KLHL29: variants seen among roughly 807,000 people sequenced by gnomAD.
The protein encoded by KLHL29 is kelch like family member 29, also known as kelch-like protein 29.
A neutral mutation model predicts 80.4 loss-of-function variants in KLHL29; 21 were observed. The observed-to-expected ratio is 0.26, with a 90% CI of 0.19 to 0.38. The LOEUF is 0.38. KLHL29 is among the 10% of genes least tolerant of loss of function. The pLI, the probability that KLHL29 is intolerant of heterozygous loss-of-function variation, is 1.00. For missense variants in KLHL29, 867 were observed against 1,223.9 expected (o/e 0.71, Z 4.35); for synonymous variants, 511 against 526.8 (o/e 0.97, Z 0.41).
intron 5 of KLHL29, among the ~76,000 whole-genome samples, chr2:23,678,755 A>G (rs1670990264): frequency 6.6e-6 from 1 of 152,254 alleles, no homozygotes; most frequent in African/African-American, 2.4e-5. Flanking sequence ...ATCCTGATGC[A>G]TGCTACCATG....
intron 12 of KLHL29, 114 bp from the exon 13 acceptor site, chr2:23,703,605 G>A: frequency 2.3e-6 from 3 of 1,308,156 alleles, no homozygotes; most frequent in Non-Finnish European, 3.1e-6. Flanking sequence ...AGGCCAATCA[G>A]TCACTTGTTG....
At chr2:23,462,548 G>A (rs539175292) in intron 1 of KLHL29, among the ~76,000 whole-genome samples, 6 of 152,260 alleles carry the variant, frequency 3.9e-5, no homozygotes, top group South Asian at 2.1e-4. Flanking sequence ...CTGGGCTTCC[G>A]TTTTCTCATC....
intron 5 of KLHL29, among the ~76,000 whole-genome samples, chr2:23,659,855 T>C (rs909507420): frequency 5.3e-5 from 8 of 151,702 alleles, no homozygotes; most frequent in Non-Finnish European, 1.0e-4. Context: ...GCGTGCTGCC[T>C]CCTCATCTTC....
chr2:23,632,895 G>A (rs946907103), intron 3 of KLHL29, among the ~76,000 whole-genome samples: 3 of 152,236 alleles, frequency 2.0e-5, no homozygotes, highest in African/African-American at 7.2e-5. Context: ...ACCTAAGTGG[G>A]TTTGAGCCAC....
intron 2 of KLHL29, among the ~76,000 whole-genome samples, chr2:23,549,065 G>A (rs1267675676): frequency 1.3e-5 from 2 of 152,216 alleles, no homozygotes; most frequent in African/African-American, 4.8e-5. Context: ...TTAGGGAACA[G>A]CCTCTGAGCA....
chr2:23,402,242 C>T (rs770039156), intron 1 of KLHL29, among the ~76,000 whole-genome samples: 2 of 152,184 alleles, frequency 1.3e-5, no homozygotes, highest in Non-Finnish European at 2.9e-5. Flanking sequence ...AATGCAAACC[C>T]TGTGGATTTT....
intron 2 of KLHL29, among the ~76,000 whole-genome samples, chr2:23,551,812 CAGT>C (rs765842556): frequency 1.2e-4 from 18 of 152,318 alleles, no homozygotes; most frequent in Non-Finnish European, 2.1e-4. Flanking sequence ...GATTCTGACT[CAGT>C]AGTCCCAGGG....
At chr2:23,572,202 T>G (rs1052686459) in intron 3 of KLHL29, among the ~76,000 whole-genome samples, 3 of 152,284 alleles carry the variant, frequency 2.0e-5, no homozygotes, top group Admixed American at 1.3e-4. Context: ...CACCACCCAC[T>G]TTAGCCACGC....
At position 23,467,247 on chromosome 2, in the gene KLHL29, A is replaced by G. The variant is rs533286459; in HGVS notation, c.-153-8313A>G. Among the ~76,000 whole-genome samples the G allele has an allele frequency of 5.3e-5, 8 of 152,332 alleles. No individual in the cohort carries two copies. The South Asian group carries it at 1.7e-3, about 32-fold the overall frequency. ...TAAGCCATCCCGCGTGTTTCTTCAG[A>G]TGGATCACAGAGCCACAGTGCGATC... On this transcript the variant is annotated intron_variant, in intron 1 of 13. Coordinates refer to ENST00000486442, the MANE Select transcript of KLHL29 (RefSeq NM_052920.2).
chr2:23,604,029 C>T (rs1668640736), intron 3 of KLHL29, among the ~76,000 whole-genome samples: 1 of 152,214 alleles, frequency 6.6e-6, no homozygotes, highest in African/African-American at 2.4e-5. Context: ...TGGGTCTGGT[C>T]TTCAGTGCTC....
intron 1 of KLHL29, among the ~76,000 whole-genome samples, chr2:23,448,519 G>T (rs1189904562): frequency 2.0e-5 from 3 of 152,184 alleles, no homozygotes; most frequent in African/African-American, 7.2e-5. Context: ...AATTAGAAGG[G>T]CCTAGAGGAG....
At position 23,644,867 on chromosome 2, in the gene KLHL29, A is replaced by G. The variant is rs77596527; in HGVS notation, c.940+2017A>G. On this transcript the variant is annotated intron_variant, in intron 5 of 13. Transcript: ENST00000486442. ...GGCCAGGGATGGGGTGGGCCTAGAA[A>G]GTGTCCTCAGCCCTGCCTTCTGGTG... Among the ~76,000 whole-genome samples the G allele has an allele frequency of 9.5e-3, 1,449 of 152,340 alleles. 14 individuals are homozygous for G. The highest frequency in any genetic ancestry group is 0.015 in the Non-Finnish European group (1,000 of 68,016).
intron 3 of KLHL29, among the ~76,000 whole-genome samples, chr2:23,604,474 C>T (rs1401054362): frequency 1.3e-5 from 2 of 152,152 alleles, no homozygotes; most frequent in African/African-American, 2.4e-5. Context: ...CCCACTGGGA[C>T]GCAAGTGTCA....
At chr2:23,512,156 G>C (rs1354104418) in intron 2 of KLHL29, among the ~76,000 whole-genome samples, 1 of 152,110 alleles carries the variant, frequency 6.6e-6, no homozygotes, top group African/African-American at 2.4e-5. Flanking sequence ...TTTAAGATCA[G>C]GATAATAGGC....
In KLHL29 at chr2:23,503,087, T is replaced by C. The variant is rs1387850144; in HGVS notation, c.-46+27420T>C. Reference sequence around the variant, plus strand: ...AGAATAGATGTGTTTTGTTTGAATGTCGTAGTTGTGCCCTTTGTAAAATTA... The same window carrying C: ...AGAATAGATGTGTTTTGTTTGAATGCCGTAGTTGTGCCCTTTGTAAAATTA... On this transcript the variant is annotated intron_variant, in intron 2 of 13. Transcript: ENST00000486442. The surrounding 1 kb of genome is among the most constrained non-coding windows in gnomAD (Gnocchi z 4.0). Among the ~76,000 whole-genome samples the C allele has an allele frequency of 2.6e-5, 4 of 152,226 alleles. No individual in the cohort carries two copies. The highest frequency in any genetic ancestry group is 9.6e-5 in the African/African-American group (4 of 41,456).
intron 1 of KLHL29, among the ~76,000 whole-genome samples, chr2:23,405,291 C>G (rs753924030): frequency 5.9e-5 from 9 of 151,814 alleles, no homozygotes; most frequent in Non-Finnish European, 1.2e-4. Flanking sequence ...ATTTTACGGA[C>G]CATGAAACAT....
At chr2:23,688,596 C>T (rs1433611754) in intron 6 of KLHL29, among the ~76,000 whole-genome samples, 2 of 152,088 alleles carry the variant, frequency 1.3e-5, no homozygotes, top group Non-Finnish European at 2.9e-5. Context: ...CTCTCCTGGG[C>T]ACCCCCACGC....
In KLHL29 at chr2:23,585,483, G is replaced by A. The variant is rs78881345; in HGVS notation, c.285+23002G>A. 1.6e-3 allele frequency among the ~76,000 whole-genome samples: 238 copies of A among 152,324 alleles called. 2 individuals are homozygous for A. The highest frequency in any genetic ancestry group is 5.4e-3 in the African/African-American group (226 of 41,568). Reference sequence around the variant, plus strand: ...CAGATGGACTGCCGGCTGCATGAAGGTGAAGCTAAACATTTGCACAGTCAC... The same window carrying A: ...CAGATGGACTGCCGGCTGCATGAAGATGAAGCTAAACATTTGCACAGTCAC... On this transcript the variant is annotated intron_variant, in intron 3 of 13. Coordinates refer to ENST00000486442, the MANE Select transcript of KLHL29 (RefSeq NM_052920.2).
At chr2:23,616,175 C>A (rs1371814329) in intron 3 of KLHL29, among the ~76,000 whole-genome samples, 1 of 152,186 alleles carries the variant, frequency 6.6e-6, no homozygotes, top group African/African-American at 2.4e-5. Flanking sequence ...ACACCCCTTA[C>A]CCTGTCCTCC....
Sources: gnomAD v4.1 joint callset for allele counts (sites outside exome capture counted in the v4.1 genomes callset) on GRCh38, gnomAD v4.1.1 for gene constraint, Gnocchi (gnomAD v3.1) non-coding constraint, MANE v1.5 for transcripts, NCBI Gene and HGNC (gene_info 2026-07-23, HGNC 2026-07-21) for gene names.